SLC16A10: variants seen among roughly 807,000 people sequenced by gnomAD.
SLC16A10 encodes solute carrier family 16 member 10.
In SLC16A10, 27 loss-of-function variants were observed where a neutral mutation model predicts 40.0. The observed-to-expected ratio is 0.67, with a 90% CI of 0.50 to 0.93. The LOEUF (loss-of-function observed/expected upper bound fraction) is 0.93, where lower values mean the gene tolerates loss of function less well. Among genes scored for constraint, SLC16A10 ranks in the 40% least tolerant of loss-of-function variants. The probability of loss-of-function intolerance (pLI) is 0.00; values close to 1 mark genes in which losing one functional copy is unlikely to be tolerated. For missense variants in SLC16A10, 529 were observed against 658.2 expected, an observed-to-expected ratio of 0.80 and a Z score of 2.15; for synonymous variants, 213 against 249.8, an observed-to-expected ratio of 0.85 and a Z score of 1.39.
intron 1 of SLC16A10, among the ~76,000 whole-genome samples, chr6:111,112,094 A>T (rs903875609): frequency 3.3e-5 from 5 of 152,048 alleles, no homozygotes; most frequent in Non-Finnish European, 7.4e-5. Flanking sequence ...GAGTGGCATG[A>T]TCATGGCTCA....
At chr6:111,103,519 C>A (rs1483570062) in intron 1 of SLC16A10, among the ~76,000 whole-genome samples, 7 of 152,092 alleles carry the variant, frequency 4.6e-5, no homozygotes, top group African/African-American at 1.4e-4. Flanking sequence ...TGTCCAGCCA[C>A]CCATTTAATT....
chr6:111,221,972 C>A, intron 5 of SLC16A10, 31 bp from the exon 6 acceptor site: 1 of 1,575,614 alleles, frequency 6.3e-7, no homozygotes. Context: ...CACACTTGTT[C>A]TCCCTTGGTG....
intron 3 of SLC16A10, among the ~76,000 whole-genome samples, chr6:111,180,148 C>G (rs1448435329): frequency 6.6e-6 from 1 of 152,174 alleles, no homozygotes; most frequent in Non-Finnish European, 1.5e-5. Flanking sequence ...GTTTATAAAG[C>G]ACTTTTACAT....
intron 1 of SLC16A10, 148 bp downstream of exon 1, chr6:111,088,243 C>A: frequency 1.4e-6 from 1 of 732,320 alleles, no homozygotes; most frequent in Non-Finnish European, 2.1e-6. Flanking sequence ...TTTCGAGTTG[C>A]AGACAGAGCC....
chr6:111,096,430 G>T (rs1771076010), intron 1 of SLC16A10, among the ~76,000 whole-genome samples: 1 of 152,228 alleles, frequency 6.6e-6, no homozygotes, highest in Admixed American at 6.5e-5. Context: ...GACTGTGGAT[G>T]TTTTTATTGG....
intron 1 of SLC16A10, among the ~76,000 whole-genome samples, chr6:111,147,994 C>G (rs1772109437): frequency 6.6e-6 from 1 of 152,152 alleles, no homozygotes; most frequent in Non-Finnish European, 1.5e-5. Flanking sequence ...CATCAGTGTA[C>G]CTTCCCACTA....
At chr6:111,198,403 T>C (rs960706869) in intron 3 of SLC16A10, among the ~76,000 whole-genome samples, 1 of 152,268 alleles carries the variant, frequency 6.6e-6, no homozygotes, top group African/African-American at 2.4e-5. Context: ...GTCGTGCATC[T>C]CTTAACAATG....
intron 1 of SLC16A10, among the ~76,000 whole-genome samples, chr6:111,130,976 T>C (rs1771770871): frequency 6.6e-6 from 1 of 152,256 alleles, no homozygotes; most frequent in African/African-American, 2.4e-5. Context: ...GAGGATTAAA[T>C]GAGTGAGTAT....
chr6:111,109,897 AAATT>A (rs1389832312), intron 1 of SLC16A10, among the ~76,000 whole-genome samples: 1 of 152,146 alleles, frequency 6.6e-6, no homozygotes, highest in East Asian at 1.9e-4. Context: ...CATTAAATTT[AAATT>A]TAAATTTTGT....
intron 4 of SLC16A10, among the ~76,000 whole-genome samples, chr6:111,214,209 G>A (rs867518378): frequency 1.6e-4 from 24 of 152,112 alleles, no homozygotes; most frequent in Admixed American, 6.5e-5. Flanking sequence ...GAAAACAAAA[G>A]CAATATAGAC....
chr6:111,114,278 T>C (rs760286186), intron 1 of SLC16A10, among the ~76,000 whole-genome samples: 4 of 152,228 alleles, frequency 2.6e-5, no homozygotes, highest in Admixed American at 6.5e-5. Context: ...ACTACATTGG[T>C]AAATCTCAAA....
In SLC16A10 at chr6:111,088,108, G is replaced by T; in HGVS notation, c.343+13G>T. 1 of 1,588,226 alleles carries T rather than the reference G, an allele frequency of 6.3e-7. No homozygotes were observed. The highest frequency in any genetic ancestry group is 8.6e-7 in the Non-Finnish European group (1 of 1,169,586). On this transcript the variant is annotated intron_variant, in intron 1 of 5. Transcript: ENST00000368851. ...GTCTTTAAGACAGGTGAGGCGCGGC[G>T]CCCGCCGAGGCCAGCCTGGGCGACC... is the stretch of plus-strand genomic sequence containing the variant.
chr6:111,206,617 A>T lies in SLC16A10; in HGVS notation c.968A>T (p.Gln323Leu). 1.2e-6 allele frequency: 2 copies of T among 1,614,136 alleles called. No individual in the cohort carries two copies. Among genetic ancestry groups the T allele is most frequent in the Non-Finnish European group, 1.7e-6 (2 of 1,180,012 alleles). The change falls in exon 4 of 6, where the codon CAA becomes CTA. Residue 323 changes from glutamine to leucine, a missense_variant. Coordinates refer to ENST00000368851, the MANE Select transcript of SLC16A10 (RefSeq NM_018593.5). ...HLMKHVNERF[Q>L]DEKNKEVVLM... ...ATGAAACATGTAAATGAAAGATTTC[A>T]AGATGAAAAAAATAAAGAGGTTGTT...
rs1196578287 is a variant in SLC16A10 at position 111,230,199 on chromosome 6, A to C, written c.*7964A>C. 6.6e-6 allele frequency: 1 copy of C among 151,622 alleles called. No individual in the cohort carries two copies. Among genetic ancestry groups the C allele is most frequent in the East Asian group, 1.9e-4 (1 of 5,156 alleles). 9.4% of individuals were successfully genotyped at this position (151,622 alleles called of 1,614,324 possible). A position where few individuals can be genotyped will look rare whatever the true frequency, so the allele number is the denominator to read the frequency against. ...GATGGAGTTTCACCATGTTGGCCAG[A>C]CTGGCCTTAAGTGATCCACCTGCCT... On this transcript the variant is annotated 3_prime_UTR_variant, in exon 6 of 6. Coordinates refer to ENST00000368851, the MANE Select transcript of SLC16A10 (RefSeq NM_018593.5).
chr6:111,121,762 T>G (rs1370851621), intron 1 of SLC16A10, among the ~76,000 whole-genome samples: 1 of 152,238 alleles, frequency 6.6e-6, no homozygotes, highest in African/African-American at 2.4e-5. Context: ...CCTCTGCAGT[T>G]GCACAGGGCT....
chr6:111,123,950 A>G (rs1186064692), intron 1 of SLC16A10, among the ~76,000 whole-genome samples: 2 of 152,192 alleles, frequency 1.3e-5, no homozygotes, highest in Admixed American at 1.3e-4. Flanking sequence ...ATTGAGGGTC[A>G]ATCCTGGATC....
intron 3 of SLC16A10, chr6:111,178,313 A>G: frequency 4.0e-6 from 2 of 504,728 alleles, no homozygotes; most frequent in South Asian, 1.5e-5. Context: ...GTTACTCAAG[A>G]TCTAAATGAG....
chr6:111,102,690 G>T (rs975331688), intron 1 of SLC16A10, among the ~76,000 whole-genome samples: 6 of 152,158 alleles, frequency 3.9e-5, no homozygotes, highest in African/African-American at 1.4e-4. Flanking sequence ...GGATAGGAAT[G>T]GAAATAAACC....
At chr6:111,102,167 C>T (rs530586061) in intron 1 of SLC16A10, among the ~76,000 whole-genome samples, 127 of 152,254 alleles carry the variant, frequency 8.3e-4, no homozygotes, top group African/African-American at 3.0e-3. Context: ...TTTTTCCCCT[C>T]TCTTGGATTG....
Sources: allele counts gnomAD v4.1 joint callset (sites outside exome capture counted in the v4.1 genomes callset), GRCh38; gene constraint gnomAD v4.1.1; transcripts MANE v1.5; gene names NCBI Gene and HGNC (gene_info 2026-07-23, HGNC 2026-07-21).